Variants in DSCAM observed in about 807,000 individuals in gnomAD.
DSCAM encodes the protein cell adhesion molecule DSCAM.
In DSCAM, 47 loss-of-function variants were observed where a neutral mutation model predicts 217.7. The observed-to-expected ratio is 0.22, with a 90% CI of 0.17 to 0.28. The LOEUF (loss-of-function observed/expected upper bound fraction) is 0.28. DSCAM is among the 10% of genes least tolerant of loss of function. The probability of loss-of-function intolerance (pLI) is 1.00; values close to 1 mark genes in which losing one functional copy is unlikely to be tolerated. For missense variants in DSCAM, 2,080 were observed against 2,618.3 expected, an observed-to-expected ratio of 0.79 and a Z score of 4.49; for synonymous variants, 1,056 against 1,015.3, an observed-to-expected ratio of 1.04 and a Z score of -0.76.
chr21:40,419,891 G>T (rs535004035), intron 3 of DSCAM, among the ~76,000 whole-genome samples: 1 of 152,010 alleles, frequency 6.6e-6, no homozygotes, highest in Non-Finnish European at 1.5e-5. Context: ...GAAACCCATA[G>T]ATACTTTTTT....
intron 9 of DSCAM, among the ~76,000 whole-genome samples, chr21:40,298,756 C>T (rs2073983361): frequency 6.6e-6 from 1 of 152,082 alleles, no homozygotes; most frequent in African/African-American, 2.4e-5. Flanking sequence ...CAAGTTCTGC[C>T]AAGAGCAAGA....
chr21:40,635,281 G>C (rs2089742935), intron 3 of DSCAM, among the ~76,000 whole-genome samples: 2 of 152,158 alleles, frequency 1.3e-5, no homozygotes, highest in African/African-American at 4.8e-5. Context: ...GGAGGGAAAA[G>C]GACAGGGCAG....
rs371140909 is a variant in DSCAM at position 40,585,179 on chromosome 21, C to CTTTCTTTTTTTTTTTTTT, written c.508+107630_508+107631insAAAAAAAAAAAAAAGAAA. On this transcript the variant is annotated intron_variant, in intron 3 of 32. Transcript: ENST00000400454. ...GTAGAACCGCGAGACAAATCAACTT[C>CTTTCTTTTTTTTTTTTTT]TTTTTTTTTTTTTTTACAACTTACC... 1.4e-5 allele frequency among the ~76,000 whole-genome samples: 2 copies of CTTTCTTTTTTTTTTTTTT among 145,916 alleles called. 1 individual carries two copies.
At chr21:40,371,507 T>C (rs986595214) in intron 3 of DSCAM, among the ~76,000 whole-genome samples, 2 of 151,970 alleles carry the variant, frequency 1.3e-5, no homozygotes, top group East Asian at 1.9e-4. Flanking sequence ...CCATGAGTGG[T>C]GGCAAAATAC....
In DSCAM at chr21:40,059,516, G is replaced by A. The variant is rs546870402; in HGVS notation, c.4919+3353C>T. Among the ~76,000 whole-genome samples, 8 of 152,244 alleles carry A rather than the reference G, an allele frequency of 5.3e-5. 1 individual carries two copies. In the East Asian group the frequency reaches 7.7e-4, roughly 15 times the overall value. ...ATGCTGCCAGGCCAGGAATCCCTGG[G>A]GACCTAGACTGAGTGGGTATGTTCT... On this transcript the variant is annotated intron_variant, in intron 28 of 32. Coordinates refer to ENST00000400454, the MANE Select transcript of DSCAM (RefSeq NM_001389.5).
intron 12 of DSCAM, among the ~76,000 whole-genome samples, chr21:40,188,338 T>G (rs941052977): frequency 6.6e-6 from 1 of 152,232 alleles, no homozygotes; most frequent in Non-Finnish European, 1.5e-5. Context: ...ATACATTTTT[T>G]TTTTCATGGT....
At chr21:40,660,717 C>G (rs1323339549) in intron 3 of DSCAM, among the ~76,000 whole-genome samples, 13 of 152,104 alleles carry the variant, frequency 8.5e-5, no homozygotes, top group Admixed American at 6.6e-5. Context: ...ACATACAGCC[C>G]CTGAGGCTTG....
At chr21:40,040,774 A>G (rs563727381) in intron 32 of DSCAM, among the ~76,000 whole-genome samples, 1 of 152,352 alleles carries the variant, frequency 6.6e-6, no homozygotes, top group Non-Finnish European at 1.5e-5. Context: ...TTACAGATGC[A>G]GGAACTGAAG....
intron 3 of DSCAM, among the ~76,000 whole-genome samples, chr21:40,473,683 G>T (rs1601671063): frequency 6.6e-6 from 1 of 152,270 alleles, no homozygotes; most frequent in African/African-American, 2.4e-5. Context: ...AGTACCTCGG[G>T]ATAAGGTATT....
chr21:40,830,748 C>T (rs1384672529), intron 1 of DSCAM, among the ~76,000 whole-genome samples: 2 of 152,166 alleles, frequency 1.3e-5, no homozygotes, highest in Non-Finnish European at 2.9e-5. Flanking sequence ...TAGAAAAAAG[C>T]ACTTAGCACA....
chr21:40,713,610 C>A (rs1323780516), intron 1 of DSCAM, among the ~76,000 whole-genome samples: 1 of 152,112 alleles, frequency 6.6e-6, no homozygotes, highest in Non-Finnish European at 1.5e-5. Context: ...AATGAGATTC[C>A]TGGCCTACTA....
chr21:40,188,064 C>T, intron 12 of DSCAM, 77 bp from the exon 13 acceptor site: 2 of 1,065,802 alleles, frequency 1.9e-6, no homozygotes, highest in Non-Finnish European at 2.8e-6. Flanking sequence ...TCTCTCTCCA[C>T]TCTTTCAGTT....
intron 16 of DSCAM, among the ~76,000 whole-genome samples, chr21:40,164,097 A>G (rs1211899561): frequency 6.6e-6 from 1 of 152,136 alleles, no homozygotes; most frequent in Admixed American, 6.5e-5. Context: ...GAGCTCCCAG[A>G]ACAGTGGAGG....
In DSCAM at chr21:40,536,611, T is replaced by C. The variant is rs191961581; in HGVS notation, c.508+156199A>G. Among the ~76,000 whole-genome samples, 753 of 152,228 alleles carry C rather than the reference T, an allele frequency of 4.9e-3. 9 individuals are homozygous for C. Among genetic ancestry groups the C allele is most frequent in the African/African-American group, 0.017 (699 of 41,534 alleles). Reference sequence around the variant, plus strand: ...TTAGTAGAGACAGGGTTTCACCATGTTAGCCAGGATGGTCTCGATCTCCTG... The same window carrying C: ...TTAGTAGAGACAGGGTTTCACCATGCTAGCCAGGATGGTCTCGATCTCCTG... On this transcript the variant is annotated intron_variant, in intron 3 of 32. Coordinates refer to ENST00000400454, the MANE Select transcript of DSCAM (RefSeq NM_001389.5).
intron 1 of DSCAM, among the ~76,000 whole-genome samples, chr21:40,827,549 T>C (rs942490536): frequency 7.9e-6 from 1 of 126,492 alleles, no homozygotes; most frequent in Non-Finnish European, 1.6e-5. Flanking sequence ...ATCAGCCTCA[T>C]TGACAAAAGC....
Position 40,347,834 on chromosome 21 carries a change from C to T in DSCAM, c.1046G>A (p.Arg349His), listed in dbSNP as rs374471813. ...GTEDQELSWY[R>H]NGEILNPGKN... ...TCCAGGGTTGAGGATTTCACCATTG[C>T]GGTACCAGGAGAGTTCCTGGTCCTC... The change falls in exon 6 of 33, where the codon CGC (arginine) becomes CAC (histidine). Residue 349 changes from arginine to histidine, a missense_variant. By Grantham distance (29) the Arg-to-His change is conservative (BLOSUM62 0). Coordinates refer to ENST00000400454, the MANE Select transcript of DSCAM (RefSeq NM_001389.5). 11 of 1,613,998 alleles carry T rather than the reference C, an allele frequency of 6.8e-6. No individual in the cohort carries two copies. Among genetic ancestry groups the T allele is most frequent in the African/African-American group, 6.7e-5 (5 of 74,914 alleles).
chr21:40,664,141 C>G (rs1423860255), intron 3 of DSCAM, among the ~76,000 whole-genome samples: 1 of 152,126 alleles, frequency 6.6e-6, no homozygotes, highest in African/African-American at 2.4e-5. Context: ...GTCCTCTTAT[C>G]CATAGTCCGG....
At chr21:40,226,750 T>C (rs758599415) in intron 11 of DSCAM, among the ~76,000 whole-genome samples, 2 of 152,252 alleles carry the variant, frequency 1.3e-5, no homozygotes, top group Non-Finnish European at 2.9e-5. Flanking sequence ...TAACATTTTT[T>C]AAAATTTTTA....
chr21:40,431,824 A>C (rs564343351), intron 3 of DSCAM, among the ~76,000 whole-genome samples: 3 of 152,206 alleles, frequency 2.0e-5, no homozygotes, highest in Non-Finnish European at 4.4e-5. Flanking sequence ...TCTAGAGTCA[A>C]CCGTACTAGT....
Sources: gnomAD v4.1 joint callset for allele counts (sites outside exome capture counted in the v4.1 genomes callset) on GRCh38, gnomAD v4.1.1 for gene constraint, MANE v1.5 for transcripts, NCBI Gene and HGNC (gene_info 2026-07-23, HGNC 2026-07-21) for gene names.